The following ESRRG variants were observed in gnomAD, a reference collection of about 807,000 sequenced individuals.
ESRRG encodes the protein estrogen related receptor gamma.
A neutral mutation model predicts 44.0 loss-of-function variants in ESRRG; 13 were observed. The ratio of observed to expected loss-of-function variants is 0.30; its 90% CI spans 0.19 to 0.47. The LOEUF is 0.47. ESRRG is among the 20% of genes least tolerant of loss of function. The pLI is 1.00. For missense variants in ESRRG, 395 were observed against 580.6 expected (o/e 0.68, Z 3.29); for synonymous variants, 215 against 214.6 (o/e 1.00, Z -0.02).
intron 1 of ESRRG, among the ~76,000 whole-genome samples, chr1:216,965,157 T>C (rs1470708479): frequency 9.6e-6 from 1 of 104,538 alleles, no homozygotes; most frequent in Non-Finnish European, 2.3e-5. Flanking sequence ...GTTACACATA[T>C]GCCTTTTTTT....
intron 3 of ESRRG, among the ~76,000 whole-genome samples, chr1:216,614,153 G>T (rs912821483): frequency 1.3e-5 from 2 of 152,180 alleles, no homozygotes; most frequent in Non-Finnish European, 2.9e-5. Flanking sequence ...CAGTGCATGG[G>T]CAGGTGGCTC....
intron 1 of ESRRG, among the ~76,000 whole-genome samples, chr1:217,053,370 G>A (rs912667519): frequency 8.6e-5 from 13 of 151,734 alleles, no homozygotes; most frequent in East Asian, 7.8e-4. Context: ...CAGGAGAATC[G>A]CTTGAACCTA....
chr1:216,558,685 G>A (rs1376081035), intron 5 of ESRRG, among the ~76,000 whole-genome samples: 7 of 151,828 alleles, frequency 4.6e-5, no homozygotes, highest in Non-Finnish European at 1.0e-4. Flanking sequence ...AACTGATAGT[G>A]AGAGTAATTA....
At position 217,129,882 on chromosome 1, in the gene ESRRG, C is replaced by T. The variant is rs370990927; in HGVS notation, c.-230+7785G>A. On this transcript the variant is annotated intron_variant, in intron 1 of 8. Transcript: ENST00000366940. Reference sequence around the variant, plus strand: ...ATAAAAATGTTCTGGATTCAGATGGCGACGAAGGTTGCACATCATGGTGAA... The same window carrying T: ...ATAAAAATGTTCTGGATTCAGATGGTGACGAAGGTTGCACATCATGGTGAA... Among the ~76,000 whole-genome samples, 60 of 151,556 alleles carry T rather than the reference C, an allele frequency of 4.0e-4. 1 individual carries two copies. The East Asian group carries it at 5.6e-3, about 14-fold the overall frequency.
intron 1 of ESRRG, among the ~76,000 whole-genome samples, chr1:217,077,689 T>C (rs910640372): frequency 6.6e-6 from 1 of 152,214 alleles, no homozygotes; most frequent in African/African-American, 2.4e-5. Flanking sequence ...AGTGGAATGC[T>C]CTTTACGAGT....
chr1:217,056,392 G>A (rs1434729797), intron 1 of ESRRG, among the ~76,000 whole-genome samples: 1 of 151,996 alleles, frequency 6.6e-6, no homozygotes, highest in African/African-American at 2.4e-5. Flanking sequence ...AGAAGTCTGG[G>A]TATAAATAGA....
rs1343867107 is a variant in ESRRG, at chr1:216,677,393, C to A, written c.155G>T (p.Ser52Ile). ...GCCACCAGGGCTGTGGTGGTTGACG[C>A]TGTCCGTCAGGGAGGCTGGGCTGGA... ...EPSSPASLTD[S>I]VNHHSPGGSS... Residue 52 changes from serine to isoleucine, a missense_variant, in exon 2 of 7, where the codon AGC (serine) becomes ATC (isoleucine). Ser to Ile is a moderately radical substitution (Grantham distance 142). Transcript: ENST00000408911. 1.2e-6 allele frequency: 2 copies of A among 1,614,128 alleles called. No individual in the cohort carries two copies. Among genetic ancestry groups the A allele is most frequent in the African/African-American group, 2.7e-5 (2 of 75,022 alleles).
intron 3 of ESRRG, among the ~76,000 whole-genome samples, chr1:216,595,581 C>T (rs774405738): frequency 6.6e-6 from 1 of 152,174 alleles, no homozygotes. Context: ...GGGTGCAGCA[C>T]ATTTCATTTC....
At chr1:216,918,411 G>T (rs1278352498) in intron 2 of ESRRG, among the ~76,000 whole-genome samples, 1 of 152,096 alleles carries the variant, frequency 6.6e-6, no homozygotes, top group Non-Finnish European at 1.5e-5. Flanking sequence ...CTGGTGTGGG[G>T]AAAATAAGCC....
chr1:216,932,725 T>TG (rs1264275400), intron 2 of ESRRG, among the ~76,000 whole-genome samples: 30 of 144,664 alleles, frequency 2.1e-4, no homozygotes, highest in African/African-American at 6.9e-4. Context: ...ACTTGTTTTT[T>TG]TTTTTTTTTT....
intron 2 of ESRRG, among the ~76,000 whole-genome samples, chr1:216,839,810 T>C (rs2095623650): frequency 6.6e-6 from 1 of 152,164 alleles, no homozygotes; most frequent in Admixed American, 6.5e-5. Flanking sequence ...CAGTAATGTT[T>C]TAAAATGAAT....
At chr1:216,915,525 A>G (rs1174235490) in intron 2 of ESRRG, among the ~76,000 whole-genome samples, 1 of 152,106 alleles carries the variant, frequency 6.6e-6, no homozygotes, top group Non-Finnish European at 1.5e-5. Context: ...TTTTGCATTC[A>G]TACAAAATCA....
chr1:217,028,784 C>G (rs749154845), intron 1 of ESRRG, among the ~76,000 whole-genome samples: 6 of 152,172 alleles, frequency 3.9e-5, no homozygotes, highest in Admixed American at 2.0e-4. Flanking sequence ...AACCCTAGCA[C>G]AGAATTCATT....
chr1:217,001,170 C>T (rs191168541), intron 1 of ESRRG, among the ~76,000 whole-genome samples: 4 of 152,306 alleles, frequency 2.6e-5, no homozygotes, highest in African/African-American at 9.6e-5. Context: ...AACCTGTCTA[C>T]TATAATACAC....
chr1:216,924,695 G>A (rs2062290662), intron 2 of ESRRG, among the ~76,000 whole-genome samples: 1 of 152,130 alleles, frequency 6.6e-6, no homozygotes, highest in South Asian at 2.1e-4. Flanking sequence ...GCAAATACAG[G>A]AAAGGCTCAT....
chr1:216,889,157 C>T (rs1215061308), intron 2 of ESRRG, among the ~76,000 whole-genome samples: 2 of 152,126 alleles, frequency 1.3e-5, no homozygotes, highest in African/African-American at 2.4e-5. Flanking sequence ...ATGTAATAAG[C>T]GAAAGATTGC....
At chr1:216,580,068 A>G (rs2062449812) in intron 3 of ESRRG, among the ~76,000 whole-genome samples, 3 of 152,196 alleles carry the variant, frequency 2.0e-5, no homozygotes. Flanking sequence ...ATCAAAACAT[A>G]ATCAAATGAT....
chr1:216,688,960 T>C (rs958491610), intron 1 of ESRRG, among the ~76,000 whole-genome samples: 1 of 152,118 alleles, frequency 6.6e-6, no homozygotes, highest in East Asian at 1.9e-4. Flanking sequence ...TATCTTAAAA[T>C]ACAGAGATGC....
At chr1:217,112,079 C>T (rs2092667692) in intron 1 of ESRRG, among the ~76,000 whole-genome samples, 1 of 152,128 alleles carries the variant, frequency 6.6e-6, no homozygotes. Context: ...GCACATACAA[C>T]CCATTCAAGT....
Sources: gnomAD v4.1 joint callset for allele counts (sites outside exome capture counted in the v4.1 genomes callset) on GRCh38, gnomAD v4.1.1 for gene constraint, MANE v1.5 for transcripts, NCBI Gene and HGNC (gene_info 2026-07-23, HGNC 2026-07-21) for gene names.